EBF1: variants seen among roughly 807,000 people sequenced by gnomAD.
EBF1 encodes the protein EBF transcription factor 1.
Under a neutral mutation model 68.4 loss-of-function variants are expected in EBF1, and 10 were observed. The observed-to-expected ratio is 0.15, with a 90% CI of 0.09 to 0.25. EBF1 has a LOEUF of 0.25. EBF1 is among the 10% of genes least tolerant of loss of function. The pLI is 1.00. For synonymous variants in EBF1, 298 were observed against 299.8 expected, an observed-to-expected ratio of 0.99 and a Z score of 0.06; for missense variants, 509 against 794.4, an observed-to-expected ratio of 0.64 and a Z score of 4.32.
intron 6 of EBF1, among the ~76,000 whole-genome samples, chr5:159,039,076 T>C (rs1269439536): frequency 6.6e-6 from 1 of 152,248 alleles, no homozygotes; most frequent in East Asian, 1.9e-4. Flanking sequence ...GAAATCCATT[T>C]ACTCAATCTG....
At chr5:158,892,115 T>C (rs923619619) in intron 6 of EBF1, among the ~76,000 whole-genome samples, 1 of 152,028 alleles carries the variant, frequency 6.6e-6, no homozygotes, top group African/African-American at 2.4e-5. Context: ...CACACATATT[T>C]ATAGTCCTTC....
chr5:158,902,636 T>C (rs1305608474), intron 6 of EBF1, among the ~76,000 whole-genome samples: 1 of 150,212 alleles, frequency 6.7e-6, no homozygotes, highest in African/African-American at 2.4e-5. Flanking sequence ...TTATTATTAT[T>C]ATTAGAGACA....
At chr5:158,869,308 A>C (rs889306443) in intron 6 of EBF1, among the ~76,000 whole-genome samples, 2 of 152,184 alleles carry the variant, frequency 1.3e-5, no homozygotes, top group Non-Finnish European at 2.9e-5. Context: ...AACAATTTGC[A>C]TAACAATGTG....
chr5:159,085,547 A>G (rs1316792192), intron 4 of EBF1, among the ~76,000 whole-genome samples: 1 of 152,212 alleles, frequency 6.6e-6, no homozygotes, highest in African/African-American at 2.4e-5. Flanking sequence ...ATGGATCTAC[A>G]TGTTAATACC....
chr5:159,017,130 T>C (rs1473786553), intron 6 of EBF1, among the ~76,000 whole-genome samples: 1 of 152,224 alleles, frequency 6.6e-6, no homozygotes, highest in Non-Finnish European at 1.5e-5. Context: ...ATGCTTTTCA[T>C]AATATTCCAA....
intron 3 of EBF1, 26 bp downstream of exon 3, chr5:159,096,317 G>C (rs1268882763): frequency 6.2e-7 from 1 of 1,609,784 alleles, no homozygotes; most frequent in East Asian, 2.2e-5. Context: ...CCCAGGGTGA[G>C]GCCATAGACC....
chr5:158,713,757 G>A (rs1307751395), intron 12 of EBF1, among the ~76,000 whole-genome samples: 1 of 152,104 alleles, frequency 6.6e-6, no homozygotes, highest in Non-Finnish European at 1.5e-5. Flanking sequence ...TTCAGGCCTT[G>A]CTATACTTTT....
intron 6 of EBF1, among the ~76,000 whole-genome samples, chr5:159,055,903 C>T (rs1384884865): frequency 6.6e-6 from 1 of 152,210 alleles, no homozygotes; most frequent in Non-Finnish European, 1.5e-5. Flanking sequence ...GTAGATGCTT[C>T]ACGAACATTT....
At chr5:158,753,903 C>T (rs1349977364) in intron 10 of EBF1, among the ~76,000 whole-genome samples, 2 of 151,906 alleles carry the variant, frequency 1.3e-5, no homozygotes, top group Non-Finnish European at 2.9e-5. Context: ...TTGTTGTAGA[C>T]CAAATGTTAA....
intron 8 of EBF1, among the ~76,000 whole-genome samples, chr5:158,804,976 A>C (rs1337657419): frequency 6.6e-6 from 1 of 152,142 alleles, no homozygotes; most frequent in African/African-American, 2.4e-5. Context: ...ACAATAGTAC[A>C]TTCACGTGCC....
chr5:159,050,211 C>CCT (rs140303726), intron 6 of EBF1, among the ~76,000 whole-genome samples: 5 of 140,994 alleles, frequency 3.5e-5, no homozygotes, highest in Non-Finnish European at 7.8e-5. Flanking sequence ...TCCTCTCCTC[C>CCT]CTCTCTCTCT....
chr5:158,817,663 T>G (rs994514842), intron 8 of EBF1, among the ~76,000 whole-genome samples: 4 of 152,218 alleles, frequency 2.6e-5, no homozygotes, highest in Admixed American at 1.3e-4. Context: ...TCTTCGGTTT[T>G]GGCATAAATG....
At position 158,854,691 on chromosome 5, in the gene EBF1, G is replaced by T. The variant is rs371155155; in HGVS notation, c.555-14581C>A. ...CGGTGCCTTCCTCCTTGCTTCTAAA[G>T]AGACTGTGGCCTCAAAAGTCAGCAA... On this transcript the variant is annotated intron_variant, in intron 6 of 15. Transcript: ENST00000313708. Among the ~76,000 whole-genome samples, 6 of 152,312 alleles carry T rather than the reference G, an allele frequency of 3.9e-5. No individual in the cohort carries two copies. In the East Asian group the frequency reaches 1.2e-3, roughly 29 times the overall value.
intron 10 of EBF1, among the ~76,000 whole-genome samples, chr5:158,737,470 G>C (rs1765463023): frequency 6.6e-6 from 1 of 151,622 alleles, no homozygotes; most frequent in South Asian, 2.1e-4. Flanking sequence ...ATTTTTAATA[G>C]AGACGGGGTT....
At chr5:159,009,816 G>C (rs769030363) in intron 6 of EBF1, among the ~76,000 whole-genome samples, 1 of 151,094 alleles carries the variant, frequency 6.6e-6, no homozygotes, top group African/African-American at 2.4e-5. Context: ...GATATAGTAC[G>C]TGATATTAGC....
At chr5:158,811,488 C>T (rs1782655828) in intron 8 of EBF1, among the ~76,000 whole-genome samples, 1 of 152,138 alleles carries the variant, frequency 6.6e-6, no homozygotes, top group Admixed American at 6.6e-5. Context: ...CTAACTTTGG[C>T]CACGACCAAA....
intron 15 of EBF1, among the ~76,000 whole-genome samples, chr5:158,706,993 C>A (rs1004248933): frequency 6.6e-6 from 1 of 152,212 alleles, no homozygotes; most frequent in South Asian, 2.1e-4. Flanking sequence ...GCCTTAGGAA[C>A]CCTGGCTATG....
intron 1 of EBF1, among the ~76,000 whole-genome samples, chr5:159,098,703 C>A (rs1783091593): frequency 7.2e-6 from 1 of 138,490 alleles, no homozygotes. Flanking sequence ...GAAAAGAAGG[C>A]AGGAAGAGAG....
At chr5:159,021,173 T>C (rs1311560959) in intron 6 of EBF1, among the ~76,000 whole-genome samples, 2 of 152,228 alleles carry the variant, frequency 1.3e-5, no homozygotes, top group Non-Finnish European at 2.9e-5. Flanking sequence ...TTGAAGACCC[T>C]GGTACTTAAT....
Sources: allele counts gnomAD v4.1 joint callset (sites outside exome capture counted in the v4.1 genomes callset), GRCh38; gene constraint gnomAD v4.1.1; transcripts MANE v1.5; gene names NCBI Gene and HGNC (gene_info 2026-07-23, HGNC 2026-07-21).